The following FGF13 variants were observed in gnomAD, a reference collection of about 807,000 sequenced individuals.
FGF13 encodes fibroblast growth factor homologous factor 2.
Under a neutral mutation model 19.5 loss-of-function variants are expected in FGF13, and 2 were observed. The observed-to-expected ratio is 0.10, with a 90% CI of 0.04 to 0.32. FGF13 has a LOEUF of 0.32. FGF13 is among the 10% of genes least tolerant of loss of function. FGF13 has a pLI of 1.00. For missense variants in FGF13, 113 were observed against 192.7 expected, an observed-to-expected ratio of 0.59 and a Z score of 2.45; for synonymous variants, 72 against 76.9, an observed-to-expected ratio of 0.94 and a Z score of 0.33.
At chrX:138,667,860 G>C (rs760274444) in intron 3 of FGF13, 9 of 270,077 alleles carry the variant, frequency 3.3e-5, no homozygotes, top group Non-Finnish European at 5.1e-5. Flanking sequence ...TGGATGGCTC[G>C]TTGAGTTACC....
At chrX:138,875,216 A>C (rs2091381107) in intron 1 of FGF13, among the ~76,000 whole-genome samples, 1 of 100,736 alleles carries the variant, frequency 9.9e-6, no homozygotes, top group South Asian at 5.0e-4. Flanking sequence ...TCGGTGACAG[A>C]GCGAGACTCT....
intron 1 of FGF13, among the ~76,000 whole-genome samples, chrX:139,060,201 G>T (rs774801271): frequency 3.8e-4 from 42 of 110,791 alleles, no homozygotes; most frequent in Non-Finnish European, 7.0e-4. Flanking sequence ...CACTAAAATG[G>T]CATATTTCTT....
At chrX:139,004,308 C>T (rs1424128513) in intron 1 of FGF13, among the ~76,000 whole-genome samples, 1 of 112,868 alleles carries the variant, frequency 8.9e-6, no homozygotes, top group African/African-American at 3.2e-5. Context: ...CAGGGCCGGC[C>T]GGCTGTTCTG....
At chrX:138,766,041 CT>C (rs1217207406) in intron 3 of FGF13, among the ~76,000 whole-genome samples, 2 of 112,083 alleles carry the variant, frequency 1.8e-5, no homozygotes, top group African/African-American at 6.5e-5. Flanking sequence ...AGAAAATCTT[CT>C]CTGACTCCAT....
At chrX:138,844,674 C>A (rs1033428789) in intron 3 of FGF13, among the ~76,000 whole-genome samples, 1 of 111,578 alleles carries the variant, frequency 9.0e-6, no homozygotes, top group Non-Finnish European at 1.9e-5. Context: ...AGACCTCATT[C>A]TTTTGGTTTT....
chrX:138,717,040 C>A (rs2090111078), intron 1 of FGF13, among the ~76,000 whole-genome samples: 2 of 112,293 alleles, frequency 1.8e-5, no homozygotes, highest in Admixed American at 9.4e-5. Flanking sequence ...AACCCACATA[C>A]AAATTTCATT....
intron 1 of FGF13, among the ~76,000 whole-genome samples, chrX:139,049,094 T>A (rs1394857525): frequency 3.6e-5 from 4 of 111,437 alleles, no homozygotes; most frequent in Non-Finnish European, 5.6e-5. Context: ...TCTTAATTTT[T>A]AAAATTTTTA....
chrX:139,083,830 C>T (rs2083386404), intron 1 of FGF13, among the ~76,000 whole-genome samples: 1 of 111,016 alleles, frequency 9.0e-6, no homozygotes, highest in African/African-American at 3.3e-5. Flanking sequence ...GAGATCCCGC[C>T]ACTGCATTCC....
At position 139,059,215 on chromosome X, in the gene FGF13, C is replaced by T. The variant is rs1026683041; in HGVS notation, c.-113+144201G>A. ...TTCTTTCAAAAAGTTTTCAGTGATG[C>T]GTAAAAAAGAGAGAGAAAAAAAAAC... is the stretch of plus-strand genomic sequence containing the variant. On this transcript the variant is annotated intron_variant, in intron 1 of 2. Transcript: ENST00000421460. Among the ~76,000 whole-genome samples the T allele has an allele frequency of 4.6e-5, 5 of 109,508 alleles. No homozygotes were observed. The Admixed American group carries it at 4.9e-4, about 11-fold the overall frequency.
chrX:138,998,845 T>G (rs1338246683), intron 1 of FGF13, among the ~76,000 whole-genome samples: 1 of 111,519 alleles, frequency 9.0e-6, no homozygotes, highest in Non-Finnish European at 1.9e-5. Context: ...CTAATAGAAA[T>G]CTACAGAACT....
chrX:138,932,557 G>T (rs771207457), intron 1 of FGF13, among the ~76,000 whole-genome samples: 3 of 110,484 alleles, frequency 2.7e-5, no homozygotes, highest in Non-Finnish European at 5.7e-5. Flanking sequence ...AGCTGAGATC[G>T]CACCATTGCG....
chrX:139,165,115 A>T (rs1343779526), intron 1 of FGF13, among the ~76,000 whole-genome samples: 1 of 112,212 alleles, frequency 8.9e-6, no homozygotes, highest in Non-Finnish European at 1.9e-5. Context: ...TGGAAATGAG[A>T]AACAACTTAT....
chrX:138,837,184 A>G (rs762044604), intron 3 of FGF13, among the ~76,000 whole-genome samples: 2 of 112,616 alleles, frequency 1.8e-5, no homozygotes, highest in African/African-American at 6.4e-5. Flanking sequence ...TAGCCTGGCC[A>G]CATTTTTGTA....
At chrX:139,159,655 CAAAAAAA>C (rs550001786) in intron 1 of FGF13, among the ~76,000 whole-genome samples, 1 of 51,670 alleles carries the variant, frequency 1.9e-5, no homozygotes, top group South Asian at 1.4e-3. Context: ...AAAGAGAAAG[CAAAAAAA>C]AAAAAAAAAA....
intron 1 of FGF13, among the ~76,000 whole-genome samples, chrX:138,981,773 A>C (rs1301846307): frequency 4.5e-5 from 5 of 111,102 alleles, no homozygotes; most frequent in Admixed American, 1.9e-4. Context: ...AGCCCTTCTC[A>C]TACTCAGTCC....
intron 1 of FGF13, among the ~76,000 whole-genome samples, chrX:139,166,097 C>T (rs2084082302): frequency 9.0e-6 from 1 of 111,330 alleles, no homozygotes; most frequent in South Asian, 3.8e-4. Context: ...AATGTGAGGA[C>T]ATGAGATTTG....
Position 138,708,828 on chromosome X carries a change from G to A in FGF13, c.288C>T (p.Asp96=). The change falls in exon 2 of 5, where the codon GAC becomes GAT. Residue 96 remains aspartate (D), a synonymous_variant. Transcript: ENST00000315930. ...DGTIDGTKDE[D]STYTLFNLIP... is the part of the protein sequence containing the mutation. The stretch of plus-strand genomic sequence containing the variant: ...TTTGCAGTCACTTACTGTAAGTGCT[G>A]TCCTCATCTTTGGTGCCATCAATGG... 1 of 1,196,072 alleles carries A rather than the reference G, an allele frequency of 8.4e-7. No homozygotes were observed. The highest frequency in any genetic ancestry group is 1.1e-6 in the Non-Finnish European group (1 of 881,301).
chrX:139,095,679 T>A (rs779596173), intron 1 of FGF13, among the ~76,000 whole-genome samples: 1 of 112,140 alleles, frequency 8.9e-6, no homozygotes, highest in Non-Finnish European at 1.9e-5. Context: ...GAAGATTACA[T>A]GTGACTTGGC....
intron 3 of FGF13, among the ~76,000 whole-genome samples, chrX:138,803,290 G>A (rs776068539): frequency 4.5e-5 from 5 of 112,232 alleles, no homozygotes; most frequent in Non-Finnish European, 7.5e-5. Flanking sequence ...CTGAAAGCAC[G>A]TGAGGATGAT....
Sources: gnomAD v4.1 joint callset for allele counts (sites outside exome capture counted in the v4.1 genomes callset) on GRCh38, gnomAD v4.1.1 for gene constraint, MANE v1.5 for transcripts, NCBI Gene and HGNC (gene_info 2026-07-23, HGNC 2026-07-21) for gene names.